MAGI3: variants seen among roughly 807,000 people sequenced by gnomAD.
MAGI3 encodes the protein membrane-associated guanylate kinase, WW and PDZ domain-containing protein 3.
In MAGI3, 43 loss-of-function variants were observed where a neutral mutation model predicts 121.8. The ratio of observed to expected loss-of-function variants is 0.35; its 90% CI spans 0.28 to 0.46. MAGI3 has a LOEUF of 0.46. Ranked by LOEUF, MAGI3 falls within the 20% of genes least tolerant of loss-of-function variation. The pLI is 1.00. For missense variants in MAGI3, 1,547 were observed against 1,797.3 expected (o/e 0.86, Z 2.52); for synonymous variants, 553 against 639.3 (o/e 0.86, Z 2.04).
chr1:113,549,045 G>A (rs1377008605), intron 1 of MAGI3, among the ~76,000 whole-genome samples: 4 of 152,166 alleles, frequency 2.6e-5, no homozygotes, highest in Non-Finnish European at 4.4e-5. Flanking sequence ...AACATTGGGG[G>A]CAGATGGAAT....
chr1:113,620,442 A>G (rs1222424052), intron 8 of MAGI3, among the ~76,000 whole-genome samples: 4 of 152,150 alleles, frequency 2.6e-5, no homozygotes, highest in African/African-American at 2.4e-5. Context: ...CTCATTTGTC[A>G]TTAATAACCA....
chr1:113,438,217 A>G (rs1394216817), intron 1 of MAGI3, among the ~76,000 whole-genome samples: 1 of 152,038 alleles, frequency 6.6e-6, no homozygotes, highest in African/African-American at 2.4e-5. Flanking sequence ...ATCACTCCCC[A>G]TTACTAGCTC....
chr1:113,472,497 T>A (rs1002111050), intron 1 of MAGI3, among the ~76,000 whole-genome samples: 1 of 152,214 alleles, frequency 6.6e-6, no homozygotes, highest in African/African-American at 2.4e-5. Flanking sequence ...AAAATAATTG[T>A]TGATAGGTAA....
At chr1:113,495,925 A>C (rs912833984) in intron 1 of MAGI3, among the ~76,000 whole-genome samples, 1 of 146,432 alleles carries the variant, frequency 6.8e-6, no homozygotes, top group South Asian at 2.1e-4. Flanking sequence ...ACATCATTAG[A>C]CCTGCTATGA....
Position 113,659,176 on chromosome 1 carries a change from A to G in MAGI3, c.2726A>G (p.Gln909Arg), listed in dbSNP as rs1305045596. The change falls in exon 16 of 21, where the codon CAG (glutamine) becomes CGG (arginine). Residue 909 changes from glutamine (Q) to arginine (R), a missense_variant. By Grantham distance (43) the Gln-to-Arg change is conservative (BLOSUM62 1). Coordinates refer to ENST00000307546, the MANE Select transcript of MAGI3 (RefSeq NM_001142782.2). ...GATCATATCTCTGCAGTGAATGGGC[A>G]GTCCATTGTTGAACTGTCTCATGAT... The part of the protein sequence containing the change: ...VGDHISAVNG[Q>R]SIVELSHDNI... 3.1e-6 allele frequency: 5 copies of G among 1,614,016 alleles called. No homozygotes were observed. Among genetic ancestry groups the G allele is most frequent in the Admixed American group, 1.7e-5 (1 of 59,994 alleles).
In MAGI3 at chr1:113,492,659, G is replaced by A. The variant is rs117592132; in HGVS notation, c.317-56856G>A. 6.4e-4 allele frequency among the ~76,000 whole-genome samples: 97 copies of A among 152,230 alleles called. 2 individuals carry two copies. In the East Asian group the frequency reaches 0.016, roughly 25 times the overall value. ...ATACCTAGAAAACACCCCAGTCCCAGCCCAAAAGCTCCTCCAGCTGATACA... is the reference window on the plus strand; with the variant it reads ...ATACCTAGAAAACACCCCAGTCCCAACCCAAAAGCTCCTCCAGCTGATACA... On this transcript the variant is annotated intron_variant, in intron 1 of 20. Coordinates refer to ENST00000307546, the MANE Select transcript of MAGI3 (RefSeq NM_001142782.2).
chr1:113,670,656 A>G (rs1647493781), intron 16 of MAGI3, among the ~76,000 whole-genome samples: 1 of 152,148 alleles, frequency 6.6e-6, no homozygotes, highest in African/African-American at 2.4e-5. Context: ...TGATGATGAA[A>G]ATGATGATAG....
chr1:113,622,879 A>C lies in MAGI3; in HGVS notation c.1245A>C (p.Lys415Asn). 6.2e-7 allele frequency: 1 copy of C among 1,602,446 alleles called. No homozygotes were observed. Among genetic ancestry groups the C allele is most frequent in the Non-Finnish European group, 8.5e-7 (1 of 1,175,732 alleles). ...TCCTTGTTCGAGCATCACTGAAAAA[A>C]AGCACAATGGGATTTGGTTTTACTA... ...KGVLVRASLK[K>N]STMGFGFTII... Residue 415 changes from lysine (K) to asparagine (N), a missense_variant, in exon 9 of 21, where the codon AAA (lysine) becomes AAC (asparagine). Transcript: ENST00000307546.
intron 6 of MAGI3, among the ~76,000 whole-genome samples, chr1:113,605,531 T>C (rs1345038868): frequency 6.6e-6 from 1 of 152,162 alleles, no homozygotes; most frequent in African/African-American, 2.4e-5. Context: ...ATTCTCCATC[T>C]CAATTGAGGT....
intron 1 of MAGI3, among the ~76,000 whole-genome samples, chr1:113,467,690 A>T (rs1312698818): frequency 6.6e-6 from 1 of 152,002 alleles, no homozygotes; most frequent in Non-Finnish European, 1.5e-5. Context: ...ATGCCACCAC[A>T]TATGGCTAAT....
At chr1:113,550,164 A>C (rs1368967774) in intron 2 of MAGI3, among the ~76,000 whole-genome samples, 2 of 150,896 alleles carry the variant, frequency 1.3e-5, no homozygotes, top group Non-Finnish European at 2.9e-5. Context: ...TAATCCCAGC[A>C]CTTTGGGAGG....
chr1:113,563,339 T>C (rs1660315221), intron 2 of MAGI3, among the ~76,000 whole-genome samples: 1 of 152,234 alleles, frequency 6.6e-6, no homozygotes, highest in South Asian at 2.1e-4. Flanking sequence ...TTTTGCCTGC[T>C]TGTGATACTG....
intron 1 of MAGI3, among the ~76,000 whole-genome samples, chr1:113,476,596 G>T (rs1335973494): frequency 2.0e-5 from 3 of 152,086 alleles, no homozygotes; most frequent in Admixed American, 2.0e-4. Flanking sequence ...ACAGTTTGTT[G>T]TGATTTCTGT....
At chr1:113,473,915 C>A (rs560273848) in intron 1 of MAGI3, among the ~76,000 whole-genome samples, 2 of 152,302 alleles carry the variant, frequency 1.3e-5, no homozygotes, top group South Asian at 4.1e-4. Flanking sequence ...TCTTCACATC[C>A]TCTCCACCAT....
intron 1 of MAGI3, among the ~76,000 whole-genome samples, chr1:113,461,412 A>G (rs1220291311): frequency 2.0e-5 from 3 of 151,998 alleles, no homozygotes; most frequent in Non-Finnish European, 4.4e-5. Flanking sequence ...CAGAAGAGAG[A>G]GCCTAGAAAT....
chr1:113,481,091 TC>T (rs1183615085), intron 1 of MAGI3, among the ~76,000 whole-genome samples: 34 of 152,366 alleles, frequency 2.2e-4, no homozygotes, highest in Non-Finnish European at 4.1e-4. Context: ...CTCTCTTCTT[TC>T]CTTTTCTAGA....
intron 1 of MAGI3, among the ~76,000 whole-genome samples, chr1:113,428,827 G>A (rs1442491271): frequency 1.3e-5 from 2 of 152,298 alleles, no homozygotes; most frequent in African/African-American, 4.8e-5. Context: ...AGTTGAATAA[G>A]TAGGTTCATA....
At chr1:113,549,833 A>T (rs916974794) in intron 2 of MAGI3, among the ~76,000 whole-genome samples, 6 of 152,096 alleles carry the variant, frequency 3.9e-5, no homozygotes, top group Admixed American at 1.3e-4. Flanking sequence ...AAATGGAAAA[A>T]CTGGGCCGGG....
chr1:113,573,791 G>T (rs961415536), intron 2 of MAGI3, among the ~76,000 whole-genome samples: 1 of 152,080 alleles, frequency 6.6e-6, no homozygotes, highest in Admixed American at 6.5e-5. Flanking sequence ...TGACAGTGGG[G>T]TGTTATAGTC....
Sources: gnomAD v4.1 joint callset for allele counts (sites outside exome capture counted in the v4.1 genomes callset) on GRCh38, gnomAD v4.1.1 for gene constraint, MANE v1.5 for transcripts, NCBI Gene and HGNC (gene_info 2026-07-23, HGNC 2026-07-21) for gene names.